Variants in GSE1 observed in about 807,000 individuals in gnomAD.
The protein encoded by GSE1 is Gse1 coiled-coil protein, also known as genetic suppressor element 1.
GSE1 carries 32 observed loss-of-function variants against 112.6 expected under a neutral mutation model. The observed-to-expected ratio is 0.28, with a 90% confidence interval of 0.21 to 0.38. The LOEUF (loss-of-function observed/expected upper bound fraction) is 0.38, where lower values mean the gene tolerates loss of function less well. Among genes scored for constraint, GSE1 ranks in the 10% least tolerant of loss-of-function variants. The pLI is 1.00. For synonymous variants in GSE1, 1,115 were observed against 735.6 expected, an observed-to-expected ratio of 1.52 and a Z score of -8.35; for missense variants, 2,348 against 1,699.2, an observed-to-expected ratio of 1.38 and a Z score of -6.71.
In GSE1 at chr16:85,373,449, C is replaced by T. The variant is rs1052436788; in HGVS notation, c.2464+15806C>T. Among the ~76,000 whole-genome samples, 1 of 151,834 alleles carries T rather than the reference C, an allele frequency of 6.6e-6. No individual in the cohort carries two copies. The highest frequency in any genetic ancestry group is 2.4e-5 in the African/African-American group (1 of 41,128). ...GCAGAGGAGGGGAGGGGACGAGAAC[C>T]TCTCCCCCTCCGCTGCTTTCCAGCT... On this transcript the variant is annotated intron_variant, in intron 2 of 2. Transcript: ENST00000637419. This position sits in a 1 kb window ranked among gnomAD's most constrained non-coding sequence, Gnocchi z 5.1.
chr16:85,298,803 G>A (rs530345836), intron 1 of GSE1, among the ~76,000 whole-genome samples: 5 of 152,354 alleles, frequency 3.3e-5, no homozygotes, highest in East Asian at 1.9e-4. Context: ...CATTGTGAAC[G>A]TCACAGGTAG....
intron 2 of GSE1, among the ~76,000 whole-genome samples, chr16:85,385,984 C>T (rs1410399787): frequency 1.3e-5 from 2 of 152,218 alleles, no homozygotes; most frequent in African/African-American, 2.4e-5. Flanking sequence ...GAGCGAACCC[C>T]CATTCCCCGA....
At chr16:85,213,961 A>T (rs2075268208) in intron 1 of GSE1, among the ~76,000 whole-genome samples, 2 of 152,194 alleles carry the variant, frequency 1.3e-5, no homozygotes, top group South Asian at 4.1e-4. Flanking sequence ...TGCTTCCATG[A>T]GACAGAGAAA....
intron 1 of GSE1, among the ~76,000 whole-genome samples, chr16:85,314,352 G>A (rs1012598892): frequency 7.9e-5 from 12 of 152,180 alleles, no homozygotes; most frequent in African/African-American, 2.4e-4. Context: ...CTGGGTGCCT[G>A]TTTTCAGCTT....
At chr16:85,181,365 T>C (rs1337828830) in intron 1 of GSE1, among the ~76,000 whole-genome samples, 1 of 152,190 alleles carries the variant, frequency 6.6e-6, no homozygotes. Context: ...CCAGCCGTCA[T>C]TGGCAGGGCT....
chr16:85,367,501 G>A (rs573665315), intron 2 of GSE1, among the ~76,000 whole-genome samples: 2 of 152,330 alleles, frequency 1.3e-5, no homozygotes, highest in South Asian at 2.1e-4. Flanking sequence ...GAGTGATGCC[G>A]GGTGGTGAGA....
At chr16:85,276,595 T>C (rs1479704241) in intron 1 of GSE1, among the ~76,000 whole-genome samples, 1 of 152,082 alleles carries the variant, frequency 6.6e-6, no homozygotes, top group Non-Finnish European at 1.5e-5. Flanking sequence ...GGGTTCGGGG[T>C]GACCTCCCCG....
chr16:85,321,985 T>C (rs1433855383), intron 1 of GSE1, among the ~76,000 whole-genome samples: 1 of 152,130 alleles, frequency 6.6e-6, no homozygotes, highest in Non-Finnish European at 1.5e-5. Flanking sequence ...CAGGGCCGTG[T>C]CCACCCACTG....
chr16:85,363,598 G>A (rs1345754294), intron 2 of GSE1, among the ~76,000 whole-genome samples: 1 of 152,220 alleles, frequency 6.6e-6, no homozygotes, highest in Admixed American at 6.5e-5. Flanking sequence ...AGAGGAAGGA[G>A]GGAGCGAGGG....
chr16:85,404,330 G>C (rs1292946082), intron 2 of GSE1, among the ~76,000 whole-genome samples: 17 of 38,888 alleles, frequency 4.4e-4, no homozygotes, highest in South Asian at 1.2e-3. Flanking sequence ...TACACTCAGG[G>C]CCCCCCGGAT....
At chr16:85,648,931 C>G (rs2051106467) in intron 3 of GSE1, among the ~76,000 whole-genome samples, 180 bp downstream of exon 3, 2 of 152,128 alleles carry the variant, frequency 1.3e-5, no homozygotes, top group African/African-American at 4.8e-5. Context: ...TCCTGGAGGC[C>G]CTGTGCGGGT....
chr16:85,462,913 T>A (rs1261241242), intron 2 of GSE1, among the ~76,000 whole-genome samples: 1 of 150,992 alleles, frequency 6.6e-6, no homozygotes, highest in East Asian at 2.0e-4. Flanking sequence ...ACGCCCCGGC[T>A]GCTCCGTGCC....
intron 1 of GSE1, among the ~76,000 whole-genome samples, chr16:85,182,254 C>T (rs944160375): frequency 6.6e-6 from 1 of 152,196 alleles, no homozygotes; most frequent in Middle Eastern, 3.2e-3. Context: ...CAGCCTCGTA[C>T]AGAAGGCCAG....
intron 2 of GSE1, among the ~76,000 whole-genome samples, chr16:85,456,347 G>A (rs12446891): frequency 0.03 from 4,622 of 152,264 alleles, 127 homozygotes; most frequent in East Asian, 0.13. Context: ...GAGAGGAAGC[G>A]CTTGGAGGTG....
chr16:85,332,310 G>A (rs2046392041), intron 1 of GSE1, among the ~76,000 whole-genome samples: 1 of 152,210 alleles, frequency 6.6e-6, no homozygotes, highest in Admixed American at 6.5e-5. Flanking sequence ...ACCCAGATGG[G>A]TCGAATTCCT....
intron 3 of GSE1, among the ~76,000 whole-genome samples, chr16:85,651,218 G>A (rs1175104029): frequency 6.6e-6 from 1 of 151,864 alleles, no homozygotes; most frequent in African/African-American, 2.4e-5. Flanking sequence ...CCGCTATCGG[G>A]GTGCCTTTGG....
At chr16:85,283,817 T>C (rs924947909) in intron 1 of GSE1, among the ~76,000 whole-genome samples, 1 of 152,232 alleles carries the variant, frequency 6.6e-6, no homozygotes, top group Non-Finnish European at 1.5e-5. Context: ...ATTTTATGGA[T>C]GAGGAAACTG....
intron 2 of GSE1, among the ~76,000 whole-genome samples, chr16:85,541,259 G>A (rs2044508022): frequency 1.3e-5 from 2 of 152,236 alleles, no homozygotes; most frequent in Non-Finnish European, 2.9e-5. Flanking sequence ...GCTGCCAGCT[G>A]CAAGAGGACA....
chr16:85,672,874 C>A lies in GSE1; in HGVS notation c.*335C>A, dbSNP rs1324890119. On this transcript the variant is annotated 3_prime_UTR_variant, in exon 16 of 16. Coordinates refer to ENST00000253458, the MANE Select transcript of GSE1 (RefSeq NM_014615.5). Reference sequence around the variant, plus strand: ...ACTAAAACTTGATCATTAACAGCCCCCTGTGCATATGAGTGGATCAAACCG... The same window carrying A: ...ACTAAAACTTGATCATTAACAGCCCACTGTGCATATGAGTGGATCAAACCG... 1 of 179,722 alleles carries A rather than the reference C, an allele frequency of 5.6e-6. No homozygotes were observed. The highest frequency in any genetic ancestry group is 2.4e-5 in the African/African-American group (1 of 42,382). The allele number at this position is 179,722 out of a possible 1,614,324, so 11.1% of individuals were successfully genotyped here.
Sources: gnomAD v4.1 joint callset for allele counts (sites outside exome capture counted in the v4.1 genomes callset) on GRCh38, gnomAD v4.1.1 for gene constraint, Gnocchi (gnomAD v3.1) non-coding constraint, MANE v1.5 for transcripts, NCBI Gene and HGNC (gene_info 2026-07-23, HGNC 2026-07-21) for gene names.